Variants in SDK1 observed in about 807,000 individuals in gnomAD.
SDK1 encodes protein sidekick-1.
A neutral mutation model predicts 245.5 loss-of-function variants in SDK1; 157 were observed. The ratio of observed to expected loss-of-function variants is 0.64; its 90% confidence interval spans 0.56 to 0.73. The LOEUF (loss-of-function observed/expected upper bound fraction) is 0.73. Among genes scored for constraint, SDK1 ranks in the 30% least tolerant of loss-of-function variants. SDK1 has a pLI of 0.00. For missense variants in SDK1, 3,583 were observed against 3,002.3 expected, an observed-to-expected ratio of 1.19 and a Z score of -4.52; for synonymous variants, 1,647 against 1,278.5, an observed-to-expected ratio of 1.29 and a Z score of -6.15.
At chr7:3,937,264 C>G (rs1051466310) in intron 5 of SDK1, among the ~76,000 whole-genome samples, 1 of 152,182 alleles carries the variant, frequency 6.6e-6, no homozygotes, top group Non-Finnish European at 1.5e-5. Context: ...AGGCATTGTT[C>G]TAGGCCCTGG....
intron 1 of SDK1, among the ~76,000 whole-genome samples, chr7:3,405,832 T>G (rs1244708403): frequency 6.7e-6 from 1 of 149,294 alleles, no homozygotes; most frequent in Non-Finnish European, 1.5e-5. Context: ...TTTTTTTTTT[T>G]GAGAGAGTCT....
intron 1 of SDK1, among the ~76,000 whole-genome samples, chr7:3,576,248 C>T (rs1780287231): frequency 6.6e-6 from 1 of 152,126 alleles, no homozygotes; most frequent in African/African-American, 2.4e-5. Flanking sequence ...TCATCACCCC[C>T]AAATAGGCTC....
intron 2 of SDK1, among the ~76,000 whole-genome samples, chr7:3,636,889 A>G (rs1340088628): frequency 1.3e-5 from 2 of 152,166 alleles, no homozygotes. Flanking sequence ...CAGGAGTAAG[A>G]TGACATCTCA....
At chr7:3,454,388 T>TTGTGTGTGTGTGTGTGTGTGTGTG (rs60437983) in intron 1 of SDK1, among the ~76,000 whole-genome samples, 1 of 141,686 alleles carries the variant, frequency 7.1e-6, no homozygotes. Flanking sequence ...TCCCCAAGAT[T>TTGTGTGTGTGTGTGTGTGTGTGTG]TGTGTGTGTG....
At chr7:3,437,611 A>G (rs1338729333) in intron 1 of SDK1, among the ~76,000 whole-genome samples, 1 of 152,078 alleles carries the variant, frequency 6.6e-6, no homozygotes, top group Non-Finnish European at 1.5e-5. Context: ...CTCTACAAAA[A>G]ATAAAGTTAG....
At chr7:3,435,100 G>C (rs916775528) in intron 1 of SDK1, among the ~76,000 whole-genome samples, 1 of 151,820 alleles carries the variant, frequency 6.6e-6, no homozygotes, top group Non-Finnish European at 1.5e-5. Context: ...AACTTGTTCA[G>C]CTTCAAATAA....
intron 4 of SDK1, among the ~76,000 whole-genome samples, chr7:3,730,086 C>G (rs945070972): frequency 4.6e-5 from 7 of 152,086 alleles, no homozygotes; most frequent in African/African-American, 1.4e-4. Flanking sequence ...TGGCCCCTAG[C>G]AGGAAATATT....
chr7:3,695,216 A>G (rs1410499927), intron 4 of SDK1, among the ~76,000 whole-genome samples: 2 of 152,216 alleles, frequency 1.3e-5, no homozygotes, highest in Non-Finnish European at 1.5e-5. Flanking sequence ...CAGCAAATTA[A>G]ATAAGTATTT....
chr7:3,773,716 GGTT>G (rs1199603241), intron 4 of SDK1, among the ~76,000 whole-genome samples: 1 of 152,118 alleles, frequency 6.6e-6, no homozygotes, highest in Non-Finnish European at 1.5e-5. Context: ...TTGTTTTGCT[GGTT>G]GTTGTAGGCT....
intron 41 of SDK1, among the ~76,000 whole-genome samples, chr7:4,236,796 A>C (rs1786195539): frequency 6.6e-6 from 1 of 152,098 alleles, no homozygotes; most frequent in Non-Finnish European, 1.5e-5. Context: ...GGTGACGGAG[A>C]AGGCAGGGGA....
chr7:3,514,007 C>G (rs1226333041), intron 1 of SDK1, among the ~76,000 whole-genome samples: 1 of 152,068 alleles, frequency 6.6e-6, no homozygotes, highest in African/African-American at 2.4e-5. Context: ...TGTGTTCCTA[C>G]CATGTTCTCT....
In SDK1 at chr7:3,397,480, T is replaced by TC. The variant is rs149809048; in HGVS notation, c.298+95605dup. ...AATTTTTGGTTCGTAGTCTTTTCTT[T>TC]CCCCCCCCCAGCGCTTTGAATATGT... On this transcript the variant is annotated intron_variant, in intron 1 of 44. Coordinates refer to ENST00000404826, the MANE Select transcript of SDK1 (RefSeq NM_152744.4). Among the ~76,000 whole-genome samples, 1,125 of 150,106 alleles carry TC rather than the reference T, an allele frequency of 7.5e-3. 12 individuals are homozygous for TC. Among genetic ancestry groups the TC allele is most frequent in the African/African-American group, 0.021 (858 of 40,960 alleles).
chr7:3,380,876 A>G (rs1473688605), intron 1 of SDK1, among the ~76,000 whole-genome samples: 1 of 152,178 alleles, frequency 6.6e-6, no homozygotes, highest in East Asian at 1.9e-4. Context: ...ACTTCCGTTT[A>G]TATTTCAGTG....
At position 4,113,312 on chromosome 7, in the gene SDK1, T is replaced by C; in HGVS notation, c.3458T>C (p.Ile1153Thr). The C allele has an allele frequency of 1.2e-6, 2 of 1,613,940 alleles. No homozygotes were observed. The highest frequency in any genetic ancestry group is 4.5e-5 in the East Asian group (2 of 44,868). Residue 1153 changes from isoleucine to threonine, a missense_variant, in exon 24 of 45, where the codon ATT (isoleucine) becomes ACT (threonine). Coordinates refer to ENST00000404826, the MANE Select transcript of SDK1 (RefSeq NM_152744.4). ...HYRFRMKQVN[I>T]VGPSPYSPSS... ...AGATTTCGAATGAAGCAAGTGAACA[T>C]TGTTGGGCCGAGCCCCTACAGTCCG... is the stretch of plus-strand genomic sequence containing the variant.
At chr7:4,234,361 T>G (rs77566353) in intron 41 of SDK1, among the ~76,000 whole-genome samples, 2,796 of 152,184 alleles carry the variant, frequency 0.018, 83 homozygotes, top group African/African-American at 0.065. Flanking sequence ...AGGGCAGGGC[T>G]TCCTCCCCGA....
chr7:3,623,944 T>G (rs1782027620), intron 2 of SDK1, among the ~76,000 whole-genome samples: 1 of 152,166 alleles, frequency 6.6e-6, no homozygotes, highest in Non-Finnish European at 1.5e-5. Context: ...AAAATAAGAA[T>G]GGTTAAGGGA....
intron 1 of SDK1, among the ~76,000 whole-genome samples, chr7:3,370,085 C>A (rs778314572): frequency 2.0e-5 from 3 of 152,160 alleles, no homozygotes; most frequent in African/African-American, 7.2e-5. Context: ...TGAACATCGG[C>A]CTAAGTTAAA....
At chr7:3,607,345 C>A (rs1216401171) in intron 1 of SDK1, among the ~76,000 whole-genome samples, 1 of 152,180 alleles carries the variant, frequency 6.6e-6, no homozygotes, top group Admixed American at 6.5e-5. Context: ...TCCTATCTCT[C>A]AACCACATAT....
intron 1 of SDK1, among the ~76,000 whole-genome samples, chr7:3,385,485 A>T (rs1435976089): frequency 6.6e-6 from 1 of 152,024 alleles, no homozygotes; most frequent in Admixed American, 6.6e-5. Flanking sequence ...ACTGTTTAAA[A>T]ACTTCCATCC....
Sources: gnomAD v4.1 joint callset for allele counts (sites outside exome capture counted in the v4.1 genomes callset) on GRCh38, gnomAD v4.1.1 for gene constraint, MANE v1.5 for transcripts, NCBI Gene and HGNC (gene_info 2026-07-23, HGNC 2026-07-21) for gene names.